LINGO1: variants seen among roughly 807,000 people sequenced by gnomAD.
LINGO1 encodes the protein leucine rich repeat and Ig domain containing 1.
A neutral mutation model predicts 37.3 loss-of-function variants in LINGO1; 11 were observed. That is an observed-to-expected ratio of 0.29 (90% CI 0.19 to 0.49). The LOEUF (loss-of-function observed/expected upper bound fraction) is 0.49, where lower values mean the gene tolerates loss of function less well. LINGO1 is among the 20% of genes least tolerant of loss of function. LINGO1 has a pLI of 0.99. For missense variants in LINGO1, 585 were observed against 878.2 expected, an observed-to-expected ratio of 0.67 and a Z score of 4.22; for synonymous variants, 387 against 403.0, an observed-to-expected ratio of 0.96 and a Z score of 0.48.
At chr15:77,649,843 G>A (rs2074719738) in intron 3 of LINGO1, among the ~76,000 whole-genome samples, 1 of 152,130 alleles carries the variant, frequency 6.6e-6, no homozygotes, top group South Asian at 2.1e-4. Context: ...GGAGAGTGGA[G>A]ATGATGAAAG....
At chr15:77,644,514 C>G (rs1004188890) in intron 3 of LINGO1, among the ~76,000 whole-genome samples, 7 of 152,208 alleles carry the variant, frequency 4.6e-5, no homozygotes, top group African/African-American at 1.7e-4. Flanking sequence ...ATTTCCGTCA[C>G]CTGGGAAATA....
intron 1 of LINGO1, among the ~76,000 whole-genome samples, chr15:77,748,673 A>G (rs775777532): frequency 6.6e-6 from 1 of 151,866 alleles, no homozygotes; most frequent in Non-Finnish European, 1.5e-5. Context: ...GTCCCAGCTC[A>G]ATTTCTTTTT....
intron 2 of LINGO1, among the ~76,000 whole-genome samples, chr15:77,705,173 T>TCACACACACACACACACACACA (rs1187038083): frequency 2.3e-5 from 1 of 44,108 alleles, no homozygotes; most frequent in Non-Finnish European, 5.8e-5. Flanking sequence ...CCCCCTGCCA[T>TCACACACACACACACACACACA]GACACACACA....
At chr15:77,718,520 C>T (rs557656210) in intron 2 of LINGO1, among the ~76,000 whole-genome samples, 1 of 151,078 alleles carries the variant, frequency 6.6e-6, no homozygotes, top group South Asian at 2.1e-4. Context: ...TACAGACTCA[C>T]ACATCCACGC....
chr15:77,735,864 A>C (rs1324420969), intron 1 of LINGO1, among the ~76,000 whole-genome samples: 1 of 152,156 alleles, frequency 6.6e-6, no homozygotes, highest in Non-Finnish European at 1.5e-5. Flanking sequence ...ATACACACAC[A>C]TGCATGTGTG....
At chr15:77,795,494 TCTGGTGTGGAGC>T (rs2076865631) in intron 2 of LINGO1, among the ~76,000 whole-genome samples, 1 of 152,158 alleles carries the variant, frequency 6.6e-6, no homozygotes, top group South Asian at 2.1e-4. Context: ...TCACGCTGTC[TCTGGTGTGGAGC>T]CCTGTTAAAC....
chr15:77,676,308 C>T (rs1165091861), intron 3 of LINGO1, among the ~76,000 whole-genome samples: 2 of 152,218 alleles, frequency 1.3e-5, no homozygotes, highest in African/African-American at 4.8e-5. Flanking sequence ...GGGGTTTAGC[C>T]CCCCAACTTG....
chr15:77,619,886 C>T (rs1172346770), intron 1 of LINGO1, among the ~76,000 whole-genome samples: 1 of 152,176 alleles, frequency 6.6e-6, no homozygotes, highest in Non-Finnish European at 1.5e-5. Context: ...CTCTGAGATG[C>T]CTCATCTCAT....
rs1176861430 is a variant in LINGO1, at chr15:77,632,344, C to T, written c.-29G>A. On this transcript the variant is annotated 5_prime_UTR_variant, in exon 1 of 2. Coordinates refer to ENST00000355300, the MANE Select transcript of LINGO1 (RefSeq NM_032808.7). The surrounding 1 kb of genome is among the most constrained non-coding windows in gnomAD (Gnocchi z 6.0). Reference sequence around the variant, plus strand: ...GGGCGCGCCTTCGGTCCGCTCGGCTCGGTCACCAATCGCATGTCTCTCCAG... The same window carrying T: ...GGGCGCGCCTTCGGTCCGCTCGGCTTGGTCACCAATCGCATGTCTCTCCAG... 26 of 1,428,678 alleles carry T rather than the reference C, an allele frequency of 1.8e-5. No individual in the cohort carries two copies. In the Admixed American group the frequency reaches 2.3e-4, roughly 12 times the overall value. 88.5% of individuals were successfully genotyped at this position (1,428,678 alleles called of 1,614,324 possible).
At chr15:77,659,204 G>T (rs1045813091) in intron 3 of LINGO1, among the ~76,000 whole-genome samples, 4 of 152,100 alleles carry the variant, frequency 2.6e-5, no homozygotes, top group African/African-American at 9.7e-5. Context: ...AAACCCTAAT[G>T]CTCTGGGCTG....
intron 1 of LINGO1, among the ~76,000 whole-genome samples, chr15:77,773,728 G>A (rs1229379128): frequency 2.6e-5 from 4 of 151,568 alleles, no homozygotes; most frequent in African/African-American, 9.8e-5. Flanking sequence ...ACACAGCCTG[G>A]GCCGTGAAGA....
chr15:77,632,335 C>T lies in LINGO1; in HGVS notation c.-20G>A, dbSNP rs1215221851. On this transcript the variant is annotated 5_prime_UTR_variant, in exon 1 of 2. Coordinates refer to ENST00000355300, the MANE Select transcript of LINGO1 (RefSeq NM_032808.7). The surrounding 1 kb of genome is among the most constrained non-coding windows in gnomAD (Gnocchi z 6.0). ...CTGCATCTCGGGCGCGCCTTCGGTC[C>T]GCTCGGCTCGGTCACCAATCGCATG... 2.1e-6 allele frequency: 3 copies of T among 1,433,938 alleles called. No homozygotes were observed. The African/African-American group carries it at 4.4e-5, about 21-fold the overall frequency. 88.8% of individuals were successfully genotyped at this position (1,433,938 alleles called of 1,614,324 possible).
intron 1 of LINGO1, among the ~76,000 whole-genome samples, chr15:77,819,842 C>G (rs560793934): frequency 6.6e-6 from 1 of 151,572 alleles, no homozygotes; most frequent in Non-Finnish European, 1.5e-5. Context: ...TTCTCGCACT[C>G]CCGCGGGAAG....
intron 3 of LINGO1, among the ~76,000 whole-genome samples, chr15:77,671,582 A>T (rs1440907653): frequency 6.6e-6 from 1 of 152,164 alleles, no homozygotes; most frequent in African/African-American, 2.4e-5. Flanking sequence ...CCCCAGCTTT[A>T]GACCAGCGGT....
chr15:77,715,558 C>T (rs767515506), intron 2 of LINGO1, among the ~76,000 whole-genome samples: 1 of 152,214 alleles, frequency 6.6e-6, no homozygotes, highest in Non-Finnish European at 1.5e-5. Flanking sequence ...CCCACCTGTA[C>T]CACTGACAGC....
chr15:77,715,015 CTAT>C (rs1385423473), intron 2 of LINGO1, among the ~76,000 whole-genome samples: 1 of 152,238 alleles, frequency 6.6e-6, no homozygotes, highest in African/African-American at 2.4e-5. Flanking sequence ...GGGCTGAGTG[CTAT>C]TCCCAGTGGT....
At chr15:77,748,199 A>T (rs1264558442) in intron 1 of LINGO1, among the ~76,000 whole-genome samples, 2 of 151,918 alleles carry the variant, frequency 1.3e-5, no homozygotes, top group Non-Finnish European at 2.9e-5. Context: ...TCAGCACCAC[A>T]CTCTCTGAGC....
chr15:77,665,207 T>C (rs1332984302), intron 3 of LINGO1, among the ~76,000 whole-genome samples: 1 of 152,172 alleles, frequency 6.6e-6, no homozygotes, highest in Non-Finnish European at 1.5e-5. Context: ...GCAAGCCCTC[T>C]CCTCTGCCAG....
chr15:77,744,005 G>A (rs2076289860), intron 1 of LINGO1, among the ~76,000 whole-genome samples: 2 of 152,160 alleles, frequency 1.3e-5, no homozygotes, highest in South Asian at 4.1e-4. Context: ...GTCCCCAGTG[G>A]ATACAGAAGT....
Sources: gnomAD v4.1 joint callset for allele counts (sites outside exome capture counted in the v4.1 genomes callset) on GRCh38, gnomAD v4.1.1 for gene constraint, Gnocchi (gnomAD v3.1) non-coding constraint, MANE v1.5 for transcripts, NCBI Gene and HGNC (gene_info 2026-07-23, HGNC 2026-07-21) for gene names.